The following SPTLC1 variants were observed in gnomAD, a reference collection of about 807,000 sequenced individuals.
SPTLC1 encodes serine palmitoyltransferase long chain base subunit 1.
Under a neutral mutation model 68.9 loss-of-function variants are expected in SPTLC1, and 55 were observed. The ratio of observed to expected loss-of-function variants is 0.80; its 90% CI spans 0.64 to 1.00. The LOEUF (loss-of-function observed/expected upper bound fraction) is 1.00. Among genes scored for constraint, SPTLC1 ranks in the 50% least tolerant of loss-of-function variants. SPTLC1 has a pLI of 0.00. For missense variants in SPTLC1, 449 were observed against 573.1 expected, an observed-to-expected ratio of 0.78 and a Z score of 2.21; for synonymous variants, 197 against 201.6, an observed-to-expected ratio of 0.98 and a Z score of 0.19.
chr9:92,067,083 A>C (rs1010396976), intron 6 of SPTLC1, among the ~76,000 whole-genome samples: 1 of 152,148 alleles, frequency 6.6e-6, no homozygotes, highest in Non-Finnish European at 1.5e-5. Context: ...GGATCACCTG[A>C]GGTCAGGAGT....
Position 92,047,129 on chromosome 9 carries a change from AC to A in SPTLC1, c.1081+42del, listed in dbSNP as rs560816884. 1.3e-4 allele frequency: 191 copies of A among 1,508,366 alleles called. No homozygotes were observed. The African/African-American group carries it at 2.3e-3, about 18-fold the overall frequency. The allele number at this position is 1,508,366 out of a possible 1,614,324, so 93.4% of individuals were successfully genotyped here. ...GTAAATCAGTAACACAACTAACGTA[AC>A]CTGAAATCTCTTTGATTCCTTGGGT... On this transcript the variant is annotated intron_variant, in intron 11 of 14. Coordinates refer to ENST00000262554, the MANE Select transcript of SPTLC1 (RefSeq NM_006415.4).
At chr9:92,067,892 T>G in intron 6 of SPTLC1, 74 bp downstream of exon 6, 1 of 1,493,442 alleles carries the variant, frequency 6.7e-7, no homozygotes, top group Non-Finnish European at 9.3e-7. Context: ...TAACTTCTAA[T>G]GAAGTATTTC....
In SPTLC1 at chr9:92,079,687, C is replaced by T. The variant is rs57310547; in HGVS notation, c.427+329G>A. The T allele has an allele frequency of 0.019, 16,646 of 891,706 alleles. 1,291 individuals carry two copies. The African/African-American group carries it at 0.2, about 11-fold the overall frequency. The allele number at this position is 891,706 out of a possible 1,614,324, so 55.2% of individuals were successfully genotyped here. On this transcript the variant is annotated intron_variant, in intron 5 of 14. Coordinates refer to ENST00000262554, the MANE Select transcript of SPTLC1 (RefSeq NM_006415.4). ...GCGTGGCTAGTCATGGCAGGGGTTCCGCTCTCATCAGTGGACTGTGGGCAG... is the reference window on the plus strand; with the variant it reads ...GCGTGGCTAGTCATGGCAGGGGTTCTGCTCTCATCAGTGGACTGTGGGCAG...
intron 3 of SPTLC1, among the ~76,000 whole-genome samples, chr9:92,083,087 GT>G (rs1450624797): frequency 6.6e-5 from 10 of 151,000 alleles, no homozygotes; most frequent in Non-Finnish European, 1.5e-4. Flanking sequence ...TGATGGGATT[GT>G]TTGTTTTTTT....
intron 5 of SPTLC1, among the ~76,000 whole-genome samples, chr9:92,074,203 CT>C (rs556138390): frequency 1.9e-3 from 296 of 152,246 alleles, no homozygotes; most frequent in Non-Finnish European, 3.2e-3. Flanking sequence ...GGGCTACCCA[CT>C]CCACGTTACC....
intron 8 of SPTLC1, chr9:92,050,927 C>T (rs1220675938): frequency 1.1e-6 from 1 of 942,962 alleles, no homozygotes; most frequent in Non-Finnish European, 1.3e-6. Flanking sequence ...ATTCTCCTAC[C>T]TCCGCCACCC....
intron 3 of SPTLC1, among the ~76,000 whole-genome samples, chr9:92,098,402 GC>G (rs1835620492): frequency 6.6e-6 from 1 of 151,730 alleles, no homozygotes; most frequent in Non-Finnish European, 1.5e-5. Context: ...AGTGAACCTC[GC>G]CCGAGAGCTC....
intron 2 of SPTLC1, chr9:92,111,901 C>A (rs1836263464): frequency 6.5e-6 from 1 of 153,814 alleles, no homozygotes. Context: ...TGTGCACTAA[C>A]CACCCTCGCC....
intron 1 of SPTLC1, among the ~76,000 whole-genome samples, chr9:92,113,958 G>A (rs762184327): frequency 7.9e-5 from 12 of 152,184 alleles, no homozygotes; most frequent in African/African-American, 2.2e-4. Context: ...TAAGTTACAC[G>A]TGGCTATTTA....
intron 3 of SPTLC1, among the ~76,000 whole-genome samples, chr9:92,101,585 GAAAAGAA>G (rs1177429426): frequency 2.8e-5 from 3 of 107,582 alleles, no homozygotes; most frequent in African/African-American, 5.9e-5. Flanking sequence ...AAAAAAAAGA[GAAAAGAA>G]AAAAGAAAAC....
chr9:92,106,270 T>C (rs1375060241), intron 3 of SPTLC1, among the ~76,000 whole-genome samples: 2 of 151,828 alleles, frequency 1.3e-5, no homozygotes, highest in African/African-American at 2.4e-5. Context: ...AAAAAGGAGA[T>C]TGAGATCATT....
At chr9:92,114,750 AAAATAAAT>A (rs150354208) in intron 1 of SPTLC1, among the ~76,000 whole-genome samples, 1 of 151,554 alleles carries the variant, frequency 6.6e-6, no homozygotes, top group Non-Finnish European at 1.5e-5. Context: ...AAAAAAAACA[AAAATAAAT>A]AAATAAAAAT....
In SPTLC1 at chr9:92,103,586, G is replaced by A. The variant is rs1384080498; in HGVS notation, c.260+5154C>T. On this transcript the variant is annotated intron_variant, in intron 3 of 14. Transcript: ENST00000262554. Reference sequence around the variant, plus strand: ...TTTGTAAAAAGCGGAGACCCTGCCTGCCAGGGAGGCATGTGGTAAGAGGCG... The same window carrying A: ...TTTGTAAAAAGCGGAGACCCTGCCTACCAGGGAGGCATGTGGTAAGAGGCG... Among the ~76,000 whole-genome samples, 10 of 152,220 alleles carry A rather than the reference G, an allele frequency of 6.6e-5. 1 individual carries two copies. Among genetic ancestry groups the A allele is most frequent in the Admixed American group, 2.6e-4 (4 of 15,288 alleles).
intron 3 of SPTLC1, among the ~76,000 whole-genome samples, chr9:92,091,312 A>G (rs971941602): frequency 2.9e-4 from 44 of 152,172 alleles, no homozygotes; most frequent in Admixed American, 7.2e-4. Flanking sequence ...AACCACAAAT[A>G]CTGAATGAGA....
At chr9:92,080,164 C>T in intron 4 of SPTLC1, 76 bp from the exon 5 acceptor site, 2 of 1,224,692 alleles carry the variant, frequency 1.6e-6, no homozygotes, top group Non-Finnish European at 1.2e-6. Flanking sequence ...TATTCTTTAA[C>T]CCACAGAGCT....
chr9:92,047,077 T>C lies in SPTLC1; in HGVS notation c.1081+95A>G, dbSNP rs193145154. On this transcript the variant is annotated intron_variant, in intron 11 of 14. Coordinates refer to ENST00000262554, the MANE Select transcript of SPTLC1 (RefSeq NM_006415.4). ...CATATAATGTAACTGCAAACCAGTT[T>C]TGTCTGGCAAATAATTTCTCCAGTA... 39 of 1,093,908 alleles carry C rather than the reference T, an allele frequency of 3.6e-5. 1 individual carries two copies. 67.8% of individuals were successfully genotyped at this position (1,093,908 alleles called of 1,614,324 possible). A position where few individuals can be genotyped will look rare whatever the true frequency, so the allele number is the denominator to read the frequency against.
chr9:92,112,674 AC>A (rs142187750), intron 1 of SPTLC1, 112 bp from the exon 2 acceptor site: 1 of 688,902 alleles, frequency 1.5e-6, no homozygotes, highest in Non-Finnish European at 2.5e-6. Flanking sequence ...CCTATTCTTA[AC>A]AATTTACTTT....
At chr9:92,089,554 CAG>C (rs1217384421) in intron 3 of SPTLC1, among the ~76,000 whole-genome samples, 1 of 151,998 alleles carries the variant, frequency 6.6e-6, no homozygotes, top group African/African-American at 2.4e-5. Context: ...AAATGAAAGA[CAG>C]AGCTGAGATT....
chr9:92,058,480 C>T (rs1833970669), intron 7 of SPTLC1, among the ~76,000 whole-genome samples: 1 of 152,178 alleles, frequency 6.6e-6, no homozygotes, highest in Non-Finnish European at 1.5e-5. Flanking sequence ...ACTTTACTTA[C>T]CCATGTCATC....
Sources: gnomAD v4.1 joint callset for allele counts (sites outside exome capture counted in the v4.1 genomes callset) on GRCh38, gnomAD v4.1.1 for gene constraint, MANE v1.5 for transcripts, NCBI Gene and HGNC (gene_info 2026-07-23, HGNC 2026-07-21) for gene names.